Variants in SOX5 observed in about 807,000 individuals in gnomAD.
SOX5 encodes the protein SRY-box transcription factor 5, also known as transcription factor SOX-5.
Under a neutral mutation model 92.0 loss-of-function variants are expected in SOX5, and 9 were observed. The ratio of observed to expected loss-of-function variants is 0.10; its 90% confidence interval spans 0.06 to 0.17. The LOEUF (loss-of-function observed/expected upper bound fraction) is 0.17, where lower values mean the gene tolerates loss of function less well. Among genes scored for constraint, SOX5 ranks in the 10% least tolerant of loss-of-function variants. SOX5 has a pLI of 1.00. For missense variants in SOX5, 642 were observed against 944.5 expected (o/e 0.68, Z 4.20); for synonymous variants, 344 against 336.3 (o/e 1.02, Z -0.25).
At chr12:24,376,690 C>CTTTTTTTT (rs1164391418) in intron 1 of SOX5, among the ~76,000 whole-genome samples, 13 of 70,616 alleles carry the variant, frequency 1.8e-4, no homozygotes, top group Non-Finnish European at 2.3e-4. Context: ...GGAGAGATAC[C>CTTTTTTTT]TTTTTTTTTT....
intron 4 of SOX5, among the ~76,000 whole-genome samples, chr12:24,178,292 T>C (rs2139237097): frequency 6.6e-6 from 1 of 152,096 alleles, no homozygotes; most frequent in African/African-American, 2.4e-5. Flanking sequence ...AAGTATTTAT[T>C]TTTACAGATT....
At chr12:23,933,016 T>C (rs1432839169) in intron 1 of SOX5, among the ~76,000 whole-genome samples, 2 of 151,694 alleles carry the variant, frequency 1.3e-5, no homozygotes, top group Admixed American at 6.6e-5. Context: ...CCATCTCCAC[T>C]GCTTTCATTC....
At chr12:23,576,878 A>T (rs2136720183) in intron 9 of SOX5, among the ~76,000 whole-genome samples, 1 of 151,974 alleles carries the variant, frequency 6.6e-6, no homozygotes, top group South Asian at 2.1e-4. Context: ...AATATATCTA[A>T]TTTTACATTA....
intron 2 of SOX5, among the ~76,000 whole-genome samples, chr12:23,890,854 T>C (rs1043286160): frequency 7.9e-5 from 12 of 151,720 alleles, no homozygotes; most frequent in Admixed American, 3.3e-4. Flanking sequence ...AAGGAGACAA[T>C]TGGAGATTTA....
chr12:24,075,761 T>C (rs1470202284), intron 4 of SOX5, among the ~76,000 whole-genome samples: 2 of 152,188 alleles, frequency 1.3e-5, no homozygotes, highest in Non-Finnish European at 2.9e-5. Flanking sequence ...TTTGTTTGTT[T>C]TTTCAGCTTT....
At chr12:24,159,962 C>G (rs537030579) in intron 4 of SOX5, among the ~76,000 whole-genome samples, 55 of 152,062 alleles carry the variant, frequency 3.6e-4, no homozygotes, top group African/African-American at 1.3e-3. Context: ...CTTCTCATCT[C>G]TGGGTATCCA....
chr12:24,536,098 C>A (rs999430471), intron 1 of SOX5, among the ~76,000 whole-genome samples: 1 of 152,146 alleles, frequency 6.6e-6, no homozygotes, highest in African/African-American at 2.4e-5. Context: ...TTACTGTTAA[C>A]CCTTGGAAGA....
In SOX5 at chr12:23,846,126, G is replaced by A; in HGVS notation, c.338C>T (p.Ala113Val). 6.2e-7 allele frequency: 1 copy of A among 1,614,072 alleles called. No individual in the cohort carries two copies. Among genetic ancestry groups the A allele is most frequent in the Non-Finnish European group, 8.5e-7 (1 of 1,179,988 alleles). ...GCCACTCTGTCGCCCACCTTCTTCT[G>A]CCTTCTGAGGTGAGGTAGATGAGTT... The part of the protein sequence containing the change: ...PHNSSTSPQK[A>V]EEGGRQSGES... Residue 113 changes from alanine (A) to valine (V), a missense_variant, in exon 3 of 15, where the codon GCA becomes GTA. By Grantham distance (64) the Ala-to-Val change is moderately conservative. This residue lies in a region of SOX5 where 29 missense variants were observed against 47.4 expected (regional missense o/e 0.61). Coordinates refer to ENST00000451604, the MANE Select transcript of SOX5 (RefSeq NM_006940.6).
chr12:24,214,907 A>ACTCTATAAC, intron 3 of SOX5, among the ~76,000 whole-genome samples: 1 of 152,196 alleles, frequency 6.6e-6, no homozygotes, highest in South Asian at 2.1e-4. Flanking sequence ...GAAGAATTAC[A>ACTCTATAAC]CTCTATAACC....
chr12:23,912,846 G>A (rs561046522), intron 1 of SOX5, among the ~76,000 whole-genome samples: 1 of 152,174 alleles, frequency 6.6e-6, no homozygotes, highest in Non-Finnish European at 1.5e-5. Flanking sequence ...GGTGGGGAGG[G>A]GAAATGGGGA....
intron 1 of SOX5, among the ~76,000 whole-genome samples, chr12:23,917,148 T>C (rs1046405173): frequency 6.6e-6 from 1 of 152,200 alleles, no homozygotes; most frequent in Non-Finnish European, 1.5e-5. Context: ...ATAATCACAA[T>C]GCTATATAAT....
intron 6 of SOX5, among the ~76,000 whole-genome samples, chr12:23,708,888 G>C (rs2091745494): frequency 6.6e-6 from 1 of 152,040 alleles, no homozygotes; most frequent in African/African-American, 2.4e-5. Context: ...AGAATACGTG[G>C]CTGGTATTTC....
At chr12:23,813,609 T>A (rs187999263) in intron 3 of SOX5, among the ~76,000 whole-genome samples, 1 of 152,330 alleles carries the variant, frequency 6.6e-6, no homozygotes, top group Admixed American at 6.5e-5. Context: ...TAGAAACCTA[T>A]CTTCAGCAAG....
chr12:24,102,215 A>G (rs1203564194), intron 4 of SOX5, among the ~76,000 whole-genome samples: 1 of 152,164 alleles, frequency 6.6e-6, no homozygotes, highest in East Asian at 1.9e-4. Context: ...AGTACAACAA[A>G]TTGTGTCTTT....
At chr12:24,214,039 G>A (rs1958958640) in intron 3 of SOX5, among the ~76,000 whole-genome samples, 2 of 152,018 alleles carry the variant, frequency 1.3e-5, no homozygotes, top group South Asian at 2.1e-4. Context: ...GAATACATAT[G>A]TGTATAAATT....
chr12:24,298,853 A>C (rs1411076968), intron 2 of SOX5, among the ~76,000 whole-genome samples: 1 of 147,228 alleles, frequency 6.8e-6, no homozygotes, highest in Non-Finnish European at 1.5e-5. Flanking sequence ...TAAATTTTTT[A>C]AGTACGTAAA....
chr12:23,570,740 C>T (rs1158972899), intron 10 of SOX5, among the ~76,000 whole-genome samples: 1 of 150,660 alleles, frequency 6.6e-6, no homozygotes, highest in African/African-American at 2.4e-5. Context: ...GAAGCCCTGT[C>T]CCTAATAAAA....
At chr12:24,024,924 G>A (rs1411398585) in intron 4 of SOX5, among the ~76,000 whole-genome samples, 1 of 151,974 alleles carries the variant, frequency 6.6e-6, no homozygotes, top group Admixed American at 6.6e-5. Context: ...TTCCAGAGGT[G>A]ATTTCTCTGA....
intron 1 of SOX5, chr12:23,944,230 G>A (rs1944163906): frequency 6.6e-6 from 1 of 152,108 alleles, no homozygotes; most frequent in African/African-American, 2.4e-5. Context: ...TGAGCAGAAT[G>A]CAGCTCTACA....
Sources: gnomAD v4.1 joint callset for allele counts (sites outside exome capture counted in the v4.1 genomes callset) on GRCh38, gnomAD v4.1.1 for gene constraint, gnomAD v4.1.1 regional missense constraint, MANE v1.5 for transcripts, NCBI Gene and HGNC (gene_info 2026-07-23, HGNC 2026-07-21) for gene names.